CLEC16A: variants seen among roughly 807,000 people sequenced by gnomAD.
CLEC16A encodes protein CLEC16A.
Under a neutral mutation model 109.5 loss-of-function variants are expected in CLEC16A, and 51 were observed. That is an observed-to-expected ratio of 0.47 (90% CI 0.37 to 0.59). The LOEUF (loss-of-function observed/expected upper bound fraction) is 0.59. Among genes scored for constraint, CLEC16A ranks in the 20% least tolerant of loss-of-function variants. The pLI is 0.00. For missense variants in CLEC16A, 1,339 were observed against 1,394.0 expected (o/e 0.96, Z 0.63); for synonymous variants, 673 against 564.2 (o/e 1.19, Z -2.73).
At position 11,021,378 on chromosome 16, in the gene CLEC16A, A is replaced by C. The variant is rs148833682; in HGVS notation, c.1436+1053A>C. Among the ~76,000 whole-genome samples the C allele has an allele frequency of 6.9e-3, 1,049 of 152,390 alleles. 20 individuals carry two copies. Among genetic ancestry groups the C allele is most frequent in the African/African-American group, 0.024 (1,000 of 41,594 alleles). ...GTAACTCCCAAAGCTCTGAAAAATA[A>C]GTAATTCTAAACACAGACGGTTGGG... On this transcript the variant is annotated intron_variant, in intron 12 of 23. Coordinates refer to ENST00000409790, the MANE Select transcript of CLEC16A (RefSeq NM_015226.3).
chr16:11,043,460 T>C (rs79869255), intron 15 of CLEC16A, among the ~76,000 whole-genome samples: 2,935 of 151,964 alleles, frequency 0.019, 43 homozygotes, highest in Non-Finnish European at 0.029. Flanking sequence ...TAACCCATTT[T>C]CCCCCAATTA....
chr16:11,060,275 G>A (rs74571003), intron 18 of CLEC16A, among the ~76,000 whole-genome samples: 114 of 152,270 alleles, frequency 7.5e-4, no homozygotes, highest in Non-Finnish European at 1.3e-3. Context: ...TCTCTGCCCC[G>A]TCAGCAGCAC....
intron 8 of CLEC16A, among the ~76,000 whole-genome samples, chr16:10,978,202 C>T (rs1428317546): frequency 2.6e-5 from 4 of 152,182 alleles, no homozygotes; most frequent in Non-Finnish European, 5.9e-5. Context: ...CATGCAGGGC[C>T]TCAGGACCAG....
intron 3 of CLEC16A, among the ~76,000 whole-genome samples, chr16:10,966,829 C>T (rs1305213301): frequency 1.3e-5 from 2 of 152,158 alleles, no homozygotes; most frequent in African/African-American, 2.4e-5. Flanking sequence ...CCTCCCACAA[C>T]ACGTGGGGAT....
chr16:11,067,754 T>A (rs901005813), intron 19 of CLEC16A, among the ~76,000 whole-genome samples: 1 of 152,154 alleles, frequency 6.6e-6, no homozygotes, highest in African/African-American at 2.4e-5. Flanking sequence ...CTACAAGGCA[T>A]GAACTAAGAG....
intron 19 of CLEC16A, among the ~76,000 whole-genome samples, chr16:11,108,366 C>A (rs574575424): frequency 1.3e-5 from 2 of 152,366 alleles, no homozygotes; most frequent in Admixed American, 1.3e-4. Flanking sequence ...GGGGACCTTG[C>A]CAAGGCAGTC....
At chr16:10,956,004 G>C (rs2041967285) in intron 1 of CLEC16A, among the ~76,000 whole-genome samples, 2 of 152,226 alleles carry the variant, frequency 1.3e-5, no homozygotes, top group African/African-American at 4.8e-5. Flanking sequence ...TCTTGGGGAA[G>C]ATGCACTTGA....
intron 11 of CLEC16A, among the ~76,000 whole-genome samples, chr16:11,016,571 A>G (rs1044096027): frequency 1.4e-4 from 22 of 152,074 alleles, no homozygotes; most frequent in African/African-American, 4.1e-4. Flanking sequence ...CTTGACCTCA[A>G]GGGATCCTCT....
intron 23 of CLEC16A, among the ~76,000 whole-genome samples, chr16:11,173,694 G>A (rs1418638236): frequency 1.3e-5 from 2 of 152,128 alleles, no homozygotes; most frequent in Admixed American, 1.3e-4. Context: ...TTTGATGCCA[G>A]TCCTCCAGCC....
chr16:10,994,171 C>T (rs1443941464), intron 10 of CLEC16A, among the ~76,000 whole-genome samples: 1 of 152,158 alleles, frequency 6.6e-6, no homozygotes, highest in Non-Finnish European at 1.5e-5. Flanking sequence ...ATGCCGTGTT[C>T]TCCTTGTTAA....
intron 23 of CLEC16A, among the ~76,000 whole-genome samples, chr16:11,176,745 CAAAAG>C (rs1343713585): frequency 4.6e-5 from 7 of 151,996 alleles, no homozygotes; most frequent in Non-Finnish European, 1.0e-4. Flanking sequence ...CTCAAAAAAA[CAAAAG>C]AAATGAAATG....
intron 19 of CLEC16A, among the ~76,000 whole-genome samples, chr16:11,092,832 C>G (rs576539105): frequency 6.6e-6 from 1 of 152,198 alleles, no homozygotes; most frequent in South Asian, 2.1e-4. Flanking sequence ...CTATAAAACA[C>G]GGTGGTCGTG....
In CLEC16A at chr16:10,977,089, G is replaced by A; in HGVS notation, c.729-136G>A. On this transcript the variant is annotated intron_variant, in intron 7 of 23. Transcript: ENST00000409790. ...TCCCTTGTATATCTCCCCAGTAGGG[G>A]CCAGGATAAGTGTCTCTTGAGACTA... is the stretch of plus-strand genomic sequence containing the variant. 3.9e-6 allele frequency: 3 copies of A among 772,106 alleles called. No homozygotes were observed. In the South Asian group the frequency reaches 5.4e-5, roughly 14 times the overall value. 47.8% of individuals were successfully genotyped at this position (772,106 alleles called of 1,614,324 possible). A position where few individuals can be genotyped will look rare whatever the true frequency, so the allele number is the denominator to read the frequency against.
chr16:11,012,814 C>T (rs951651594), intron 11 of CLEC16A, among the ~76,000 whole-genome samples: 27 of 152,166 alleles, frequency 1.8e-4, no homozygotes, highest in Admixed American at 1.6e-3. Flanking sequence ...TGAATGCTTT[C>T]ATACCACATC....
chr16:11,097,486 A>G (rs2050670961), intron 19 of CLEC16A, among the ~76,000 whole-genome samples: 2 of 152,172 alleles, frequency 1.3e-5, no homozygotes, highest in Admixed American at 1.3e-4. Flanking sequence ...AGTTCAATTA[A>G]TTTCCTTCCC....
intron 19 of CLEC16A, among the ~76,000 whole-genome samples, chr16:11,083,858 T>G (rs1331322645): frequency 6.6e-6 from 1 of 152,206 alleles, no homozygotes; most frequent in Non-Finnish European, 1.5e-5. Flanking sequence ...CTTACAGGGC[T>G]CAAGGGGATG....
chr16:11,053,324 C>T (rs888782761), intron 18 of CLEC16A, among the ~76,000 whole-genome samples: 3 of 152,100 alleles, frequency 2.0e-5, no homozygotes, highest in African/African-American at 7.2e-5. Context: ...ATTCTATAAC[C>T]ATCCTAGGAG....
chr16:10,994,767 C>G (rs1210993274), intron 10 of CLEC16A, among the ~76,000 whole-genome samples: 1 of 152,182 alleles, frequency 6.6e-6, no homozygotes, highest in Non-Finnish European at 1.5e-5. Context: ...AGAGGACCAC[C>G]TGTTGAGTGA....
rs2068838116 is a variant in CLEC16A, at chr16:11,178,282, G to A, written c.2807-53G>A. ...AGGATGGGAGCACAGGGCGCAGTGC[G>A]ACGGGGTGTCTCAAGGGCTCAGTGT... is the stretch of plus-strand genomic sequence containing the variant. On this transcript the variant is annotated intron_variant, in intron 23 of 23. Transcript: ENST00000409790. The surrounding 1 kb of genome is among the most constrained non-coding windows in gnomAD (Gnocchi z 6.5). 35 of 1,501,784 alleles carry A rather than the reference G, an allele frequency of 2.3e-5. No homozygotes were observed. Among genetic ancestry groups the A allele is most frequent in the Middle Eastern group, 1.7e-4 (1 of 5,718 alleles). The allele number at this position is 1,501,784 out of a possible 1,614,324, so 93.0% of individuals were successfully genotyped here.
Sources: allele counts gnomAD v4.1 joint callset (sites outside exome capture counted in the v4.1 genomes callset), GRCh38; gene constraint gnomAD v4.1.1; non-coding constraint Gnocchi (gnomAD v3.1); transcripts MANE v1.5; gene names NCBI Gene and HGNC (gene_info 2026-07-23, HGNC 2026-07-21).